GRM1: variants seen among roughly 807,000 people sequenced by gnomAD.
The protein encoded by GRM1 is glutamate metabotropic receptor 1.
In GRM1, 33 loss-of-function variants were observed where a neutral mutation model predicts 90.9. The observed-to-expected ratio is 0.36, with a 90% confidence interval of 0.28 to 0.49. GRM1 has a LOEUF of 0.49. Among genes scored for constraint, GRM1 ranks in the 20% least tolerant of loss-of-function variants. The pLI is 0.99. For missense variants in GRM1, 1,190 were observed against 1,534.3 expected (o/e 0.78, Z 3.75); for synonymous variants, 700 against 613.2 (o/e 1.14, Z -2.09).
chr6:146,333,336 A>G (rs904100612), intron 3 of GRM1, among the ~76,000 whole-genome samples: 6 of 152,164 alleles, frequency 3.9e-5, no homozygotes, highest in African/African-American at 1.4e-4. Context: ...ACAAAAGCCT[A>G]CATCCTCAGG....
chr6:146,259,521 T>C (rs1781604432), intron 2 of GRM1, among the ~76,000 whole-genome samples: 1 of 152,144 alleles, frequency 6.6e-6, no homozygotes, highest in Admixed American at 6.6e-5. Context: ...GTTTGACTAC[T>C]CCAGATAGCC....
At chr6:146,304,463 T>G (rs948703151) in intron 2 of GRM1, 148 bp from the exon 3 acceptor site, 1 of 698,762 alleles carries the variant, frequency 1.4e-6, no homozygotes, top group East Asian at 2.7e-5. Flanking sequence ...CTTTCTACTC[T>G]CTACCAAAAA....
chr6:146,101,762 T>A (rs1254752429), intron 1 of GRM1, among the ~76,000 whole-genome samples: 1 of 150,932 alleles, frequency 6.6e-6, no homozygotes. Flanking sequence ...ACTGGTATTA[T>A]TATGACTATA....
chr6:146,312,248 G>A lies in GRM1; in HGVS notation c.1186+7402G>A, dbSNP rs539385506. Among the ~76,000 whole-genome samples the A allele has an allele frequency of 2.7e-5, 4 of 148,858 alleles. No homozygotes were observed. The South Asian group carries it at 8.5e-4, about 32-fold the overall frequency. ...CCCAGCTACTCAGGAGGCTGAGGCA[G>A]GAGAATGGCGTGAACCCAGGAGGCG... On this transcript the variant is annotated intron_variant, in intron 3 of 7. Coordinates refer to ENST00000282753, the MANE Select transcript of GRM1 (RefSeq NM_001278064.2).
At chr6:146,220,355 T>C (rs1035575628) in intron 2 of GRM1, among the ~76,000 whole-genome samples, 1 of 152,160 alleles carries the variant, frequency 6.6e-6, no homozygotes, top group Admixed American at 6.6e-5. Context: ...TTCACATTGC[T>C]GATTTTCAAG....
At chr6:146,426,867 C>A (rs1778230759) in intron 7 of GRM1, among the ~76,000 whole-genome samples, 1 of 152,020 alleles carries the variant, frequency 6.6e-6, no homozygotes, top group Admixed American at 6.6e-5. Context: ...TGTTTTGATG[C>A]ACTATTTTTT....
chr6:146,216,440 T>C (rs903706046), intron 2 of GRM1, among the ~76,000 whole-genome samples: 1 of 152,200 alleles, frequency 6.6e-6, no homozygotes, highest in African/African-American at 2.4e-5. Flanking sequence ...AACATTGCTG[T>C]TTCAAAATGC....
intron 2 of GRM1, among the ~76,000 whole-genome samples, chr6:146,263,092 C>T (rs1781759282): frequency 6.6e-6 from 1 of 151,882 alleles, no homozygotes. Context: ...TTTCTTTTGA[C>T]TCAGTATTTC....
At chr6:146,382,502 G>T (rs887272175) in intron 5 of GRM1, among the ~76,000 whole-genome samples, 2 of 152,102 alleles carry the variant, frequency 1.3e-5, no homozygotes, top group Non-Finnish European at 2.9e-5. Context: ...ACTAAAGCAT[G>T]TGACTTTTGT....
At chr6:146,134,854 C>T (rs970080386) in intron 1 of GRM1, among the ~76,000 whole-genome samples, 2 of 152,060 alleles carry the variant, frequency 1.3e-5, no homozygotes, top group African/African-American at 4.8e-5. Context: ...TGGCGGGAAC[C>T]CGGGAGGCAG....
At chr6:146,291,106 G>T (rs533562715) in intron 2 of GRM1, among the ~76,000 whole-genome samples, 1 of 152,074 alleles carries the variant, frequency 6.6e-6, no homozygotes, top group Non-Finnish European at 1.5e-5. Context: ...ATTGGCATTT[G>T]CCTTAAATTA....
chr6:146,267,312 T>C (rs1232576206), intron 2 of GRM1, among the ~76,000 whole-genome samples: 2 of 152,200 alleles, frequency 1.3e-5, no homozygotes, highest in East Asian at 1.9e-4. Context: ...GTTTATTCCA[T>C]GTCTTTGCTA....
chr6:146,206,478 G>T (rs1779497671), intron 2 of GRM1, among the ~76,000 whole-genome samples: 1 of 152,068 alleles, frequency 6.6e-6, no homozygotes, highest in Non-Finnish European at 1.5e-5. Flanking sequence ...AGCAGAGTGG[G>T]CAAGTGGTCT....
intron 1 of GRM1, among the ~76,000 whole-genome samples, chr6:146,143,010 C>A (rs937668741): frequency 6.6e-5 from 10 of 152,064 alleles, no homozygotes; most frequent in African/African-American, 9.7e-5. Context: ...GGGTCACACC[C>A]GAAGCCAGCA....
chr6:146,254,540 A>G (rs778592311), intron 2 of GRM1, among the ~76,000 whole-genome samples: 1 of 152,190 alleles, frequency 6.6e-6, no homozygotes, highest in Non-Finnish European at 1.5e-5. Flanking sequence ...TGCATTTTAC[A>G]TCATGACCTA....
chr6:146,353,091 C>A (rs909488027), intron 4 of GRM1, among the ~76,000 whole-genome samples: 11 of 152,268 alleles, frequency 7.2e-5, no homozygotes, highest in Admixed American at 1.3e-4. Context: ...GAAAAGTAAA[C>A]CAAGGTATAT....
rs563953510 is a variant in GRM1 at position 146,403,077 on chromosome 6, G to GA, written c.2660+3384dup. ...AGGACTCAGTAGACTTTAAAATATT[G>GA]AAAAAATCGATTTATTGGCAATAGA... On this transcript the variant is annotated intron_variant, in intron 7 of 7. Transcript: ENST00000282753. Among the ~76,000 whole-genome samples the GA allele has an allele frequency of 2.2e-3, 333 of 151,994 alleles. 2 individuals are homozygous for GA. The highest frequency in any genetic ancestry group is 7.7e-3 in the African/African-American group (321 of 41,456).
At chr6:146,136,194 G>A (rs1256332421) in intron 1 of GRM1, among the ~76,000 whole-genome samples, 1 of 152,108 alleles carries the variant, frequency 6.6e-6, no homozygotes, top group African/African-American at 2.4e-5. Flanking sequence ...ATAGACACTT[G>A]GATTGCTTGC....
At chr6:146,374,874 T>C (rs1776036411) in intron 5 of GRM1, among the ~76,000 whole-genome samples, 1 of 152,058 alleles carries the variant, frequency 6.6e-6, no homozygotes, top group Non-Finnish European at 1.5e-5. Flanking sequence ...TTTATTTCTA[T>C]TCTGATCTTC....
Sources: gnomAD v4.1 joint callset for allele counts (sites outside exome capture counted in the v4.1 genomes callset) on GRCh38, gnomAD v4.1.1 for gene constraint, MANE v1.5 for transcripts, NCBI Gene and HGNC (gene_info 2026-07-23, HGNC 2026-07-21) for gene names.